FIP1L1: variants seen among roughly 807,000 people sequenced by gnomAD.
The protein encoded by FIP1L1 is factor interacting with PAPOLA and CPSF1.
In FIP1L1, 21 loss-of-function variants were observed where a neutral mutation model predicts 84.6. The ratio of observed to expected loss-of-function variants is 0.25; its 90% confidence interval spans 0.18 to 0.36. FIP1L1 has a LOEUF of 0.36. FIP1L1 is among the 10% of genes least tolerant of loss of function. FIP1L1 has a pLI of 1.00. For synonymous variants in FIP1L1, 263 were observed against 242.3 expected, an observed-to-expected ratio of 1.09 and a Z score of -0.80; for missense variants, 526 against 751.1, an observed-to-expected ratio of 0.70 and a Z score of 3.50.
intron 11 of FIP1L1, among the ~76,000 whole-genome samples, chr4:53,419,771 T>C (rs1409459122): frequency 1.3e-5 from 2 of 152,168 alleles, no homozygotes; most frequent in East Asian, 3.9e-4. Context: ...GATGTACTTG[T>C]AAGGATTAAA....
intron 15 of FIP1L1, 90 bp from the exon 16 acceptor site, chr4:53,452,830 T>G: frequency 1.1e-6 from 1 of 895,282 alleles, no homozygotes; most frequent in Non-Finnish European, 1.8e-6. Flanking sequence ...TAAAATGAAT[T>G]TCTATTATAA....
chr4:53,421,590 T>C (rs1321380568), intron 11 of FIP1L1, among the ~76,000 whole-genome samples: 1 of 152,218 alleles, frequency 6.6e-6, no homozygotes, highest in Non-Finnish European at 1.5e-5. Context: ...GCATCTCTTT[T>C]CAAGTTGGGA....
At chr4:53,443,184 C>A (rs770425559) in intron 14 of FIP1L1, among the ~76,000 whole-genome samples, 7 of 152,008 alleles carry the variant, frequency 4.6e-5, no homozygotes, top group African/African-American at 1.4e-4. Context: ...ATTTTTTGTA[C>A]CGTGTATTTA....
intron 15 of FIP1L1, among the ~76,000 whole-genome samples, chr4:53,446,413 C>A (rs937897199): frequency 2.0e-5 from 3 of 152,116 alleles, no homozygotes; most frequent in African/African-American, 7.2e-5. Context: ...ATAATTATCA[C>A]CCTAATCTCC....
chr4:53,434,381 TA>T, intron 13 of FIP1L1, among the ~76,000 whole-genome samples: 1 of 152,314 alleles, frequency 6.6e-6, no homozygotes, highest in South Asian at 2.1e-4. Context: ...GTTTTCACAT[TA>T]AATCTATTGT....
chr4:53,426,444 A>T (rs1208004806), intron 12 of FIP1L1, among the ~76,000 whole-genome samples: 5 of 152,154 alleles, frequency 3.3e-5, no homozygotes, highest in African/African-American at 1.2e-4. Context: ...GATCCGTCAC[A>T]TGTGAGGTTG....
intron 4 of FIP1L1, among the ~76,000 whole-genome samples, chr4:53,383,211 A>G (rs543080309): frequency 2.0e-5 from 3 of 152,326 alleles, no homozygotes; most frequent in Non-Finnish European, 4.4e-5. Context: ...TAGTTAAAAA[A>G]AAAATGAGGT....
chr4:53,455,319 A>T (rs1337146297), intron 16 of FIP1L1, among the ~76,000 whole-genome samples: 1 of 152,200 alleles, frequency 6.6e-6, no homozygotes, highest in Non-Finnish European at 1.5e-5. Context: ...CATGAGGGCT[A>T]GACTTCAGCC....
chr4:53,446,218 T>C (rs1309574128), intron 15 of FIP1L1, among the ~76,000 whole-genome samples: 3 of 152,078 alleles, frequency 2.0e-5, no homozygotes, highest in Admixed American at 1.3e-4. Flanking sequence ...TTGCTAGATA[T>C]TTAAGTAGTC....
At chr4:53,459,222 T>C in intron 17 of FIP1L1, 80 bp from the exon 18 acceptor site, 1 of 986,740 alleles carries the variant, frequency 1.0e-6, no homozygotes, top group Non-Finnish European at 1.5e-6. Context: ...ATATTGAGAA[T>C]TTCCTTAGAG....
At chr4:53,417,506 G>A (rs1436656170) in intron 11 of FIP1L1, among the ~76,000 whole-genome samples, 1 of 151,672 alleles carries the variant, frequency 6.6e-6, no homozygotes, top group African/African-American at 2.4e-5. Context: ...GCTGGGCCTG[G>A]TGGTGCATGC....
intron 10 of FIP1L1, 147 bp downstream of exon 10, chr4:53,399,986 A>G: frequency 3.5e-6 from 2 of 570,812 alleles, no homozygotes; most frequent in South Asian, 5.9e-5. Flanking sequence ...ATTCTTCACA[A>G]GAAACTTCTT....
intron 10 of FIP1L1, 97 bp from the exon 11 acceptor site, chr4:53,414,518 C>T: frequency 1.4e-6 from 1 of 716,352 alleles, no homozygotes; most frequent in African/African-American, 1.9e-5. Context: ...TACTAAAAGA[C>T]TTTAGAAAAA....
chr4:53,424,356 A>G (rs1371772523), intron 11 of FIP1L1, among the ~76,000 whole-genome samples: 1 of 152,158 alleles, frequency 6.6e-6, no homozygotes, highest in Middle Eastern at 3.4e-3. Flanking sequence ...TGGAAGCAAT[A>G]TTTGTTTTAT....
intron 9 of FIP1L1, among the ~76,000 whole-genome samples, chr4:53,399,013 T>C (rs1234449640): frequency 6.6e-6 from 1 of 152,098 alleles, no homozygotes; most frequent in Non-Finnish European, 1.5e-5. Context: ...TAGCCAGGCA[T>C]GGTGGTGCAC....
At chr4:53,408,324 C>G (rs1364448779) in intron 10 of FIP1L1, among the ~76,000 whole-genome samples, 1 of 152,174 alleles carries the variant, frequency 6.6e-6, no homozygotes, top group Non-Finnish European at 1.5e-5. Context: ...ATATTGGCCC[C>G]CACTCTCTTC....
chr4:53,455,113 G>C (rs1718233847), intron 16 of FIP1L1, among the ~76,000 whole-genome samples: 1 of 152,084 alleles, frequency 6.6e-6, no homozygotes, highest in African/African-American at 2.4e-5. Context: ...AAAGAATTGG[G>C]CTTTGCTCTG....
chr4:53,457,608 A>G (rs1253754950), intron 16 of FIP1L1, among the ~76,000 whole-genome samples: 1 of 152,116 alleles, frequency 6.6e-6, no homozygotes, highest in Non-Finnish European at 1.5e-5. Context: ...ACTATGTTAA[A>G]CCCTGAGATT....
intron 1 of FIP1L1, chr4:53,378,190 C>G (rs1735709012): frequency 2.8e-6 from 1 of 352,376 alleles, no homozygotes; most frequent in Non-Finnish European, 5.1e-6. Context: ...CCCGGCTTCG[C>G]TGTGCTTTCC....
Sources: allele counts gnomAD v4.1 joint callset (sites outside exome capture counted in the v4.1 genomes callset), GRCh38; gene constraint gnomAD v4.1.1; transcripts MANE v1.5; gene names NCBI Gene and HGNC (gene_info 2026-07-23, HGNC 2026-07-21).